ALAS2: variants seen among roughly 807,000 people sequenced by gnomAD.
The protein encoded by ALAS2 is 5-aminolevulinate synthase, erythroid-specific, mitochondrial.
ALAS2 carries 3 observed loss-of-function variants against 33.7 expected under a neutral mutation model. The observed-to-expected ratio is 0.09, with a 90% CI of 0.04 to 0.23. ALAS2 has a LOEUF of 0.23. Ranked by LOEUF, ALAS2 falls within the 10% of genes least tolerant of loss-of-function variation. ALAS2 has a pLI of 1.00. For synonymous variants in ALAS2, 191 were observed against 177.3 expected (o/e 1.08, Z -0.61); for missense variants, 304 against 475.1 (o/e 0.64, Z 3.35).
intron 10 of ALAS2, among the ~76,000 whole-genome samples, chrX:55,013,038 C>G (rs1318931876): frequency 9.0e-6 from 1 of 111,393 alleles, no homozygotes; most frequent in East Asian, 2.8e-4. Flanking sequence ...CTTGATATAT[C>G]CCTGGCTGCT....
intron 8 of ALAS2, among the ~76,000 whole-genome samples, 166 bp downstream of exon 8, chrX:55,015,412 C>G (rs1371143451): frequency 8.9e-6 from 1 of 111,943 alleles, no homozygotes; most frequent in Non-Finnish European, 1.9e-5. Context: ...TTCTCATCAA[C>G]TCTGCAGTGG....
At chrX:55,025,327 G>GTTTCTTTTCT (rs763869257) in intron 2 of ALAS2, among the ~76,000 whole-genome samples, 24 of 111,159 alleles carry the variant, frequency 2.2e-4, no homozygotes, top group Admixed American at 1.9e-3. Context: ...CAGTGAGACT[G>GTTTCTTTTCT]TTTCTTTTCT....
At chrX:55,021,307 C>T (rs753380176) in intron 4 of ALAS2, 33 bp from the exon 5 acceptor site, 24 of 1,110,285 alleles carry the variant, frequency 2.2e-5, no homozygotes, top group African/African-American at 3.6e-5. Flanking sequence ...GAAAAGAATT[C>T]GTTTTAAGTC....
rs373739339 is a variant in ALAS2, at chrX:55,015,672, C to T, written c.1074G>A (p.Glu358=). The T allele has an allele frequency of 9.1e-6, 11 of 1,208,982 alleles. No homozygotes were observed. The highest frequency in any genetic ancestry group is 1.2e-5 in the Non-Finnish European group (11 of 894,885). Residue 358 remains glutamate, a synonymous_variant, in exon 8 of 11, where the codon GAG becomes GAA. Coordinates refer to ENST00000650242, the MANE Select transcript of ALAS2 (RefSeq NM_000032.5). The stretch of plus-strand genomic sequence containing the variant: ...ACCCATACAGTCCTACAGCATGGAC[C>T]TCATCCACGAAGGTCAGGGCCCCAT... ...HQYGALTFVD[E]VHAVGLYGSR...
chrX:55,015,685 G>A lies in ALAS2; in HGVS notation c.1061C>T (p.Thr354Ile), dbSNP rs771871450. The A allele has an allele frequency of 1.9e-5, 23 of 1,211,217 alleles. No homozygotes were observed. Among genetic ancestry groups the A allele is most frequent in the Middle Eastern group, 2.3e-4 (1 of 4,355 alleles). ...TACAGCATGGACCTCATCCACGAAG[G>A]TCAGGGCCCCATACTGGTGGGACAC... ...CDVSHQYGALTFVDEVHAVGL... is the reference protein window; with the variant it reads ...CDVSHQYGALIFVDEVHAVGL... Residue 354 changes from threonine (T) to isoleucine (I), a missense_variant, in exon 8 of 11, where the codon ACC becomes ATC. Around this residue, in one of 3 missense-constraint regions of ALAS2, gnomAD observed 138 missense variants for 265.3 expected, o/e 0.52. Coordinates refer to ENST00000650242, the MANE Select transcript of ALAS2 (RefSeq NM_000032.5).
intron 4 of ALAS2, among the ~76,000 whole-genome samples, chrX:55,022,108 CTT>C (rs1935813906): frequency 8.9e-6 from 1 of 111,803 alleles, no homozygotes; most frequent in Admixed American, 9.5e-5. Flanking sequence ...AATGGGGTAA[CTT>C]TATTTCTAGG....
At chrX:55,027,817 C>T (rs745507207) in intron 1 of ALAS2, 2 of 1,208,460 alleles carry the variant, frequency 1.7e-6, no homozygotes, top group African/African-American at 3.5e-5. Flanking sequence ...TGGGCTGTCA[C>T]AGCAGCCTGG....
intron 10 of ALAS2, among the ~76,000 whole-genome samples, chrX:55,009,634 G>A (rs1377948889): frequency 1.8e-5 from 2 of 111,374 alleles, no homozygotes; most frequent in African/African-American, 6.5e-5. Flanking sequence ...GCCCAAGAAT[G>A]ACTGTCTGCT....
At chrX:55,018,034 GT>G (rs1935734690) in intron 6 of ALAS2, among the ~76,000 whole-genome samples, 1 of 112,044 alleles carries the variant, frequency 8.9e-6, no homozygotes, top group Non-Finnish European at 1.9e-5. Flanking sequence ...GGGAATGTTT[GT>G]TGACTCGGAC....
chrX:55,024,785 A>T lies in ALAS2; in HGVS notation c.237T>A (p.Asp79Glu). ...HCPFMLSELQ[D>E]GKSKIVQKAA... Reference sequence around the variant, plus strand: ...CCTTCTGCACAATCTTGCTCTTCCCATCCTGGAGTTCCGACAGCATGAAGG... The same window carrying T: ...CCTTCTGCACAATCTTGCTCTTCCCTTCCTGGAGTTCCGACAGCATGAAGG... The change falls in exon 3 of 11, where the codon GAT (aspartate) becomes GAA (glutamate). Residue 79 changes from aspartate to glutamate, a missense_variant. Asp to Glu is a conservative substitution (Grantham distance 45, BLOSUM62 2). Coordinates refer to ENST00000650242, the MANE Select transcript of ALAS2 (RefSeq NM_000032.5). 8.3e-7 allele frequency: 1 copy of T among 1,211,379 alleles called. No individual in the cohort carries two copies. Among genetic ancestry groups the T allele is most frequent in the Non-Finnish European group, 1.1e-6 (1 of 895,117 alleles).
chrX:55,019,698 C>T (rs761486841), intron 6 of ALAS2, among the ~76,000 whole-genome samples: 4 of 111,020 alleles, frequency 3.6e-5, no homozygotes, highest in East Asian at 2.8e-4. Flanking sequence ...TGGGCCTTGG[C>T]GGAAGGACAA....
At position 55,023,857 on chromosome X, in the gene ALAS2, G is replaced by A; in HGVS notation, c.315C>T (p.Ser105=). The A allele has an allele frequency of 8.3e-7, 1 of 1,206,284 alleles. No individual in the cohort carries two copies. Among genetic ancestry groups the A allele is most frequent in the South Asian group, 1.8e-5 (1 of 56,549 alleles). The change falls in exon 4 of 11, where the codon AGC becomes AGT. Residue 105 remains serine (S), a synonymous_variant. Coordinates refer to ENST00000650242, the MANE Select transcript of ALAS2 (RefSeq NM_000032.5). ...TCCTTAGGCTGACTGAGACCAGGGA[G>A]CTAGGCAGATCTGAGACGGAATGTG... ...DVKAFKTDLP[S]SLVSVSLRKP...
intron 6 of ALAS2, 91 bp downstream of exon 6, chrX:55,020,229 C>A: frequency 1.0e-6 from 1 of 956,953 alleles, no homozygotes; most frequent in Non-Finnish European, 1.5e-6. Flanking sequence ...TGAGGGAACT[C>A]CAAATACAGG....
intron 1 of ALAS2, 104 bp from the exon 2 acceptor site, chrX:55,026,119 G>A (rs1021001153): frequency 1.4e-5 from 10 of 706,559 alleles, no homozygotes; most frequent in African/African-American, 4.3e-5. Context: ...TGCTGCCTCC[G>A]AGATGCTCTT....
intron 10 of ALAS2, among the ~76,000 whole-genome samples, chrX:55,010,692 C>A (rs1358520968): frequency 9.0e-6 from 1 of 111,621 alleles, no homozygotes; most frequent in Non-Finnish European, 1.9e-5. Flanking sequence ...AATACTACAA[C>A]CCTTCTCTGA....
chrX:55,025,685 T>C, intron 2 of ALAS2, 135 bp downstream of exon 2: 2 of 655,948 alleles, frequency 3.0e-6, no homozygotes, highest in Non-Finnish European at 2.4e-6. Flanking sequence ...TGGGTATATT[T>C]TGGGGCCAGT....
chrX:55,021,414 G>C, intron 4 of ALAS2, 140 bp from the exon 5 acceptor site: 1 of 520,411 alleles, frequency 1.9e-6, no homozygotes, highest in Non-Finnish European at 3.3e-6. Context: ...ATTGACTTAT[G>C]GACCACATTA....
chrX:55,027,755 C>A, intron 1 of ALAS2: 1 of 1,211,288 alleles, frequency 8.3e-7, no homozygotes, highest in Non-Finnish European at 1.1e-6. Context: ...CCGTACCTCA[C>A]AAAACAACCT....
chrX:55,025,925 C>A lies in ALAS2; in HGVS notation c.76G>T (p.Val26Phe). 1.7e-6 allele frequency: 2 copies of A among 1,211,196 alleles called. No homozygotes were observed. The highest frequency in any genetic ancestry group is 2.2e-6 in the Non-Finnish European group (2 of 895,182). ...RGPTSLLGKV[V>F]KTHQFLFGIG... is the part of the protein sequence containing the mutation. ...CCAAACAGGAACTGGTGAGTCTTAA[C>A]CACCTTGCCTAGGAGGCTTGTGGGG... The change falls in exon 2 of 11, where the codon GTT (valine) becomes TTT (phenylalanine). Residue 26 changes from valine to phenylalanine, a missense_variant. By Grantham distance (50) the Val-to-Phe change is conservative. This residue lies in a region of ALAS2 where 71 missense variants were observed against 82.8 expected (regional missense o/e 0.86). Coordinates refer to ENST00000650242, the MANE Select transcript of ALAS2 (RefSeq NM_000032.5).
Sources: allele counts gnomAD v4.1 joint callset (sites outside exome capture counted in the v4.1 genomes callset), GRCh38; gene constraint gnomAD v4.1.1; regional missense constraint gnomAD v4.1.1; transcripts MANE v1.5; gene names NCBI Gene and HGNC (gene_info 2026-07-23, HGNC 2026-07-21).